RBM41: variants seen among roughly 807,000 people sequenced by gnomAD.
RBM41 encodes the protein RNA-binding protein 41.
RBM41 carries 14 observed loss-of-function variants against 30.8 expected under a neutral mutation model. The observed-to-expected ratio is 0.45, with a 90% CI of 0.30 to 0.71. The LOEUF (loss-of-function observed/expected upper bound fraction) is 0.71, where lower values mean the gene tolerates loss of function less well. Among genes scored for constraint, RBM41 ranks in the 30% least tolerant of loss-of-function variants. RBM41 has a pLI of 0.08. For synonymous variants in RBM41, 120 were observed against 110.1 expected (o/e 1.09, Z -0.56); for missense variants, 276 against 326.3 (o/e 0.85, Z 1.19).
chrX:107,060,233 A>G (rs2147848978), downstream of RBM41, among the ~76,000 whole-genome samples: 1 of 110,626 alleles, frequency 9.0e-6, no homozygotes, highest in African/African-American at 3.3e-5. Flanking sequence ...CATCTTCCTT[A>G]CAGAATTTCA....
rs56261473 is a variant in RBM41, at chrX:107,071,207, C to CAA, written c.1000-1807_1000-1806dup. Among the ~76,000 whole-genome samples, 166 of 58,940 alleles carry CAA rather than the reference C, an allele frequency of 2.8e-3. 1 individual carries two copies. The highest frequency in any genetic ancestry group is 8.3e-3 in the African/African-American group (158 of 19,108). The allele number at this position is 58,940 out of a possible 115,157, so 51.2% of individuals were successfully genotyped here. On this transcript the variant is annotated intron_variant, in intron 6 of 7. Transcript: ENST00000685964. The stretch of plus-strand genomic sequence containing the variant: ...GGAAAGATATCAAAGTATATCACTA[C>CAA]AAAAAAAAAAAAAAACCCAATGAAC...
chrX:107,053,938 G>C, the RBM41 span, among the ~76,000 whole-genome samples: 1 of 111,069 alleles, frequency 9.0e-6, no homozygotes, highest in Non-Finnish European at 1.9e-5. Flanking sequence ...GGGCATATGG[G>C]TGTGGGCAGT....
At chrX:107,102,489 C>A (rs1455673146) in intron 5 of RBM41, among the ~76,000 whole-genome samples, 1 of 111,461 alleles carries the variant, frequency 9.0e-6, no homozygotes, top group Non-Finnish European at 1.9e-5. Flanking sequence ...ATCCAATCAA[C>A]CACCTCAGCA....
chrX:107,104,538 CT>C (rs1185890548), intron 5 of RBM41, among the ~76,000 whole-genome samples: 1 of 110,909 alleles, frequency 9.0e-6, no homozygotes, highest in East Asian at 2.8e-4. Context: ...TTAATATTAT[CT>C]TTTTTAGGGC....
intron 6 of RBM41, among the ~76,000 whole-genome samples, chrX:107,086,615 A>G (rs1299552293): frequency 8.9e-6 from 1 of 112,102 alleles, no homozygotes; most frequent in South Asian, 3.7e-4. Flanking sequence ...TAATTACCCT[A>G]ACATACTGTA....
At chrX:107,090,971 C>G (rs1359790476) in intron 5 of RBM41, among the ~76,000 whole-genome samples, 3 of 108,677 alleles carry the variant, frequency 2.8e-5, no homozygotes, top group Admixed American at 2.0e-4. Context: ...CCCTCCACCC[C>G]CCGAAAGGCC....
chrX:107,082,164 T>C (rs1046250963), intron 6 of RBM41, among the ~76,000 whole-genome samples: 1 of 111,612 alleles, frequency 9.0e-6, no homozygotes, highest in Non-Finnish European at 1.9e-5. Context: ...AGATATTCTT[T>C]ATCAAGTTAA....
intron 4 of RBM41, 47 bp downstream of exon 4, chrX:107,115,305 C>T (rs1924799881): frequency 8.6e-7 from 1 of 1,167,326 alleles, no homozygotes; most frequent in Non-Finnish European, 1.2e-6. Flanking sequence ...GCTGTTTAAT[C>T]TTTCTCTCAG....
chrX:107,072,915 G>A (rs1485379441), intron 6 of RBM41, among the ~76,000 whole-genome samples: 1 of 110,416 alleles, frequency 9.1e-6, no homozygotes, highest in Non-Finnish European at 1.9e-5. Context: ...TCAATAAGTG[G>A]TGCTGAGAAA....
intron 6 of RBM41, among the ~76,000 whole-genome samples, chrX:107,088,152 C>T (rs2014379): frequency 0.3 from 33,449 of 110,641 alleles, 4,807 homozygotes; most frequent in African/African-American, 0.54. Context: ...GTTACTATTC[C>T]TTCAATTCGG....
chrX:107,086,174 C>G (rs959343836), intron 6 of RBM41, among the ~76,000 whole-genome samples: 2 of 111,628 alleles, frequency 1.8e-5, no homozygotes, highest in Non-Finnish European at 3.8e-5. Context: ...CAAAATAATA[C>G]TCCAAAGTTT....
At chrX:107,093,920 T>C (rs1400949085) in intron 5 of RBM41, among the ~76,000 whole-genome samples, 1 of 111,602 alleles carries the variant, frequency 9.0e-6, no homozygotes, top group Non-Finnish European at 1.9e-5. Context: ...CTACTAACTT[T>C]AGGGAATGAA....
chrX:107,106,221 C>T (rs757272161), intron 5 of RBM41, among the ~76,000 whole-genome samples: 6 of 112,128 alleles, frequency 5.4e-5, no homozygotes, highest in Non-Finnish European at 9.4e-5. Context: ...TATGAACAGA[C>T]ACTTCTCAAA....
At chrX:107,112,126 A>G (rs1002591718) in intron 5 of RBM41, among the ~76,000 whole-genome samples, 15 of 111,990 alleles carry the variant, frequency 1.3e-4, no homozygotes, top group African/African-American at 4.5e-4. Flanking sequence ...AAAATGTGTG[A>G]AAATCACATA....
At chrX:107,117,793 AG>A (rs750403442) in intron 1 of RBM41, among the ~76,000 whole-genome samples, 2 of 111,899 alleles carry the variant, frequency 1.8e-5, no homozygotes, top group East Asian at 5.6e-4. Context: ...TGGTCACCTC[AG>A]GGGGGAACGA....
intron 5 of RBM41, among the ~76,000 whole-genome samples, chrX:107,093,460 G>C (rs1922720365): frequency 9.0e-6 from 1 of 111,704 alleles, no homozygotes; most frequent in African/African-American, 3.2e-5. Flanking sequence ...ACAAATATCT[G>C]GAAATTGAAC....
intron 4 of RBM41, 33 bp from the exon 5 acceptor site, chrX:107,113,501 T>C (rs1275972868): frequency 5.1e-6 from 5 of 982,029 alleles, no homozygotes; most frequent in Middle Eastern, 3.0e-4. Flanking sequence ...GTTTCAAAGA[T>C]AGGAAACAGA....
intron 6 of RBM41, among the ~76,000 whole-genome samples, chrX:107,086,061 C>T (rs1183903564): frequency 9.0e-6 from 1 of 111,532 alleles, no homozygotes; most frequent in Non-Finnish European, 1.9e-5. Flanking sequence ...ACAGAAAGTT[C>T]CTGAAAGGCC....
intron 5 of RBM41, among the ~76,000 whole-genome samples, chrX:107,110,313 A>G (rs147497601): frequency 0.025 from 2,816 of 111,489 alleles, 100 homozygotes; most frequent in African/African-American, 0.086. Context: ...GATACATATA[A>G]ATGCACATAC....
Sources: gnomAD v4.1 joint callset for allele counts (sites outside exome capture counted in the v4.1 genomes callset) on GRCh38, gnomAD v4.1.1 for gene constraint, MANE v1.5 for transcripts, NCBI Gene and HGNC (gene_info 2026-07-23, HGNC 2026-07-21) for gene names.